Variants in NKAIN3 observed in about 807,000 individuals in gnomAD.
NKAIN3 encodes the protein sodium/potassium-transporting ATPase subunit beta-1-interacting protein 3.
NKAIN3 carries 25 observed loss-of-function variants against 30.2 expected under a neutral mutation model. The observed-to-expected ratio is 0.83, with a 90% CI of 0.60 to 1.16. The LOEUF is 1.16. NKAIN3 is among the 50% of genes most tolerant of loss of function. The pLI, the probability that NKAIN3 is intolerant of heterozygous loss-of-function variation, is 0.00. For synonymous variants in NKAIN3, 91 were observed against 89.6 expected, an observed-to-expected ratio of 1.02 and a Z score of -0.09; for missense variants, 225 against 254.1, an observed-to-expected ratio of 0.89 and a Z score of 0.78.
In NKAIN3 at chr8:62,741,412, AAGGAAGGAAGGC is replaced by A. The variant is rs1432204790; in HGVS notation, c.274-5516_274-5505del. Reference sequence around the variant, plus strand: ...GAAGGAAGGAAGGAAGGAAGGAAGGAAGGAAGGAAGGCAGGCAAGCAAGCAAGCACACTCCAA... The same window carrying A: ...GAAGGAAGGAAGGAAGGAAGGAAGGAAGGCAAGCAAGCAAGCACACTCCAA... On this transcript the variant is annotated intron_variant, in intron 3 of 6. Transcript: ENST00000623646. 1.4e-3 allele frequency among the ~76,000 whole-genome samples: 183 copies of A among 133,910 alleles called. 1 individual carries two copies. The highest frequency in any genetic ancestry group is 7.1e-3 in the South Asian group (30 of 4,236). The allele number at this position is 133,910 out of a possible 152,430, so 87.9% of individuals were successfully genotyped here.
intron 1 of NKAIN3, among the ~76,000 whole-genome samples, chr8:62,505,309 T>G (rs1187267770): frequency 6.6e-6 from 1 of 152,190 alleles, no homozygotes; most frequent in African/African-American, 2.4e-5. Context: ...AAGACTGTTC[T>G]GGCTCCTACT....
In NKAIN3 at chr8:62,935,014, C is replaced by G. The variant is rs1822740081; in HGVS notation, c.532+16501C>G. ...ACAAATTCTGCCTCCACGGAGTTTTCTTTTCTTTCCTAAGAGACCTTTATG... is the reference window on the plus strand; with the variant it reads ...ACAAATTCTGCCTCCACGGAGTTTTGTTTTCTTTCCTAAGAGACCTTTATG... On this transcript the variant is annotated intron_variant, in intron 5 of 6. Coordinates refer to ENST00000623646, the MANE Select transcript of NKAIN3 (RefSeq NM_001304533.3). Among the ~76,000 whole-genome samples the G allele has an allele frequency of 2.0e-5, 3 of 152,256 alleles. No individual in the cohort carries two copies. The South Asian group carries it at 6.2e-4, about 32-fold the overall frequency.
chr8:62,369,757 CTGT>C (rs1411659025), intron 1 of NKAIN3, among the ~76,000 whole-genome samples: 6 of 151,630 alleles, frequency 4.0e-5, no homozygotes, highest in African/African-American at 1.2e-4. Context: ...CCCCCCAAGT[CTGT>C]TGTTTTTTTT....
rs1814999505 is a variant in NKAIN3 at position 62,323,207 on chromosome 8, A to C, written c.54+74080A>C. On this transcript the variant is annotated intron_variant, in intron 1 of 6. Coordinates refer to ENST00000623646, the MANE Select transcript of NKAIN3 (RefSeq NM_001304533.3). ...TTACCCCAATTACATGAAAACTTAT[A>C]GTCACACAATAACCTACACCCAAAT... Among the ~76,000 whole-genome samples, 2 of 152,206 alleles carry C rather than the reference A, an allele frequency of 1.3e-5. 1 individual carries two copies. Among genetic ancestry groups the C allele is most frequent in the Admixed American group, 1.3e-4 (2 of 15,290 alleles).
At chr8:62,629,124 T>C (rs1161622069) in intron 3 of NKAIN3, among the ~76,000 whole-genome samples, 1 of 152,136 alleles carries the variant, frequency 6.6e-6, no homozygotes, top group East Asian at 1.9e-4. Flanking sequence ...ATGAATCAGG[T>C]CTTGCCTGTC....
intron 1 of NKAIN3, among the ~76,000 whole-genome samples, chr8:62,303,035 A>C (rs749575165): frequency 6.7e-6 from 1 of 150,340 alleles, no homozygotes; most frequent in Non-Finnish European, 1.5e-5. Flanking sequence ...AAGGAGAAGA[A>C]AGTTTAGTTC....
chr8:62,288,709 C>T (rs1191168478), intron 1 of NKAIN3, among the ~76,000 whole-genome samples: 3 of 152,172 alleles, frequency 2.0e-5, no homozygotes, highest in African/African-American at 7.2e-5. Context: ...CATACGTGTG[C>T]ATGTGTCTTT....
intron 1 of NKAIN3, among the ~76,000 whole-genome samples, chr8:62,452,713 AC>A (rs1382845957): frequency 6.6e-6 from 1 of 152,076 alleles, no homozygotes; most frequent in African/African-American, 2.4e-5. Flanking sequence ...CCTTATCATT[AC>A]TCTTGATTTC....
At chr8:62,996,143 GA>G (rs1358379311) in intron 5 of NKAIN3, among the ~76,000 whole-genome samples, 1 of 151,226 alleles carries the variant, frequency 6.6e-6, no homozygotes, top group Non-Finnish European at 1.5e-5. Context: ...GATACTACCT[GA>G]AACTGGGTAA....
At chr8:62,694,837 G>GA (rs948898824) in intron 3 of NKAIN3, among the ~76,000 whole-genome samples, 3 of 152,000 alleles carry the variant, frequency 2.0e-5, no homozygotes, top group African/African-American at 4.8e-5. Context: ...GCTTTCCCCA[G>GA]AAAAAAACCA....
intron 5 of NKAIN3, among the ~76,000 whole-genome samples, chr8:62,933,277 T>A (rs1174227334): frequency 6.6e-6 from 1 of 151,930 alleles, no homozygotes; most frequent in African/African-American, 2.4e-5. Flanking sequence ...ATAGGAGCTA[T>A]AAAAAAAGAA....
chr8:62,897,520 C>T lies in NKAIN3; in HGVS notation c.472-20933C>T, dbSNP rs542417399. ...GACATAGACACTCTAAGAGTAAGCC[C>T]TAATGAGTTAACCTCACTTCACTTT... On this transcript the variant is annotated intron_variant, in intron 4 of 6. Coordinates refer to ENST00000623646, the MANE Select transcript of NKAIN3 (RefSeq NM_001304533.3). Among the ~76,000 whole-genome samples, 9 of 152,196 alleles carry T rather than the reference C, an allele frequency of 5.9e-5. No homozygotes were observed. In the South Asian group the frequency reaches 1.7e-3, roughly 28 times the overall value.
chr8:62,630,209 C>A (rs567546834), intron 3 of NKAIN3, among the ~76,000 whole-genome samples: 46 of 152,116 alleles, frequency 3.0e-4, no homozygotes, highest in Non-Finnish European at 5.3e-4. Context: ...TTTCTGGCAT[C>A]CACTGCAGGT....
chr8:62,992,505 A>AT (rs1212902856), intron 5 of NKAIN3, among the ~76,000 whole-genome samples: 1 of 152,042 alleles, frequency 6.6e-6, no homozygotes, highest in African/African-American at 2.4e-5. Flanking sequence ...CGCCTGTCCC[A>AT]TTGGGTTGCT....
chr8:62,853,996 T>C (rs982802706), intron 4 of NKAIN3, among the ~76,000 whole-genome samples: 4 of 152,222 alleles, frequency 2.6e-5, no homozygotes, highest in Non-Finnish European at 5.9e-5. Context: ...AGTTTCAGTG[T>C]AGTCATATGG....
At chr8:62,814,442 C>T (rs1010839474) in intron 4 of NKAIN3, among the ~76,000 whole-genome samples, 14 of 151,780 alleles carry the variant, frequency 9.2e-5, no homozygotes, top group Non-Finnish European at 1.2e-4. Context: ...TTTTCAGCAC[C>T]ATGCCACACC....
At chr8:62,275,972 A>G (rs1332770077) in intron 1 of NKAIN3, among the ~76,000 whole-genome samples, 1 of 152,204 alleles carries the variant, frequency 6.6e-6, no homozygotes, top group African/African-American at 2.4e-5. Context: ...AATAATACCC[A>G]AAAGGTTGGA....
intron 4 of NKAIN3, among the ~76,000 whole-genome samples, chr8:62,793,907 GA>G (rs1474264187): frequency 6.6e-6 from 1 of 152,228 alleles, no homozygotes; most frequent in African/African-American, 2.4e-5. Flanking sequence ...AGGTTGGGGG[GA>G]AATCACTAAT....
chr8:62,256,888 T>A (rs542582385), intron 1 of NKAIN3, among the ~76,000 whole-genome samples: 10 of 152,366 alleles, frequency 6.6e-5, no homozygotes, highest in African/African-American at 1.7e-4. Flanking sequence ...GAGGACACAC[T>A]AAAATGGTTT....
Sources: allele counts gnomAD v4.1 joint callset (sites outside exome capture counted in the v4.1 genomes callset), GRCh38; gene constraint gnomAD v4.1.1; transcripts MANE v1.5; gene names NCBI Gene and HGNC (gene_info 2026-07-23, HGNC 2026-07-21).